The following NUDT9 variants were observed in gnomAD, a reference collection of about 807,000 sequenced individuals.
NUDT9 encodes the protein nudix hydrolase 9, also known as ADP-ribose pyrophosphatase.
Under a neutral mutation model 41.0 loss-of-function variants are expected in NUDT9, and 31 were observed. That is an observed-to-expected ratio of 0.76 (90% confidence interval 0.57 to 1.02). NUDT9 has a LOEUF of 1.02. Ranked by LOEUF, NUDT9 falls within the 50% of genes least tolerant of loss-of-function variation. The pLI is 0.00. For synonymous variants in NUDT9, 146 were observed against 147.6 expected, an observed-to-expected ratio of 0.99 and a Z score of 0.08; for missense variants, 380 against 431.4, an observed-to-expected ratio of 0.88 and a Z score of 1.06.
intron 1 of NUDT9, among the ~76,000 whole-genome samples, chr4:87,430,749 A>G (rs534264566): frequency 1.3e-5 from 2 of 152,202 alleles, no homozygotes; most frequent in East Asian, 1.9e-4. Flanking sequence ...AGAAATGTCT[A>G]TTGGAGTCCT....
intron 5 of NUDT9, 94 bp downstream of exon 5, chr4:87,449,347 C>T: frequency 1.4e-6 from 1 of 712,560 alleles, no homozygotes; most frequent in Non-Finnish European, 2.5e-6. Context: ...TTCCATTTTC[C>T]TCTATTCCTT....
At chr4:87,439,059 C>T (rs1036695969) in intron 3 of NUDT9, among the ~76,000 whole-genome samples, 10 of 151,172 alleles carry the variant, frequency 6.6e-5, no homozygotes, top group Non-Finnish European at 1.2e-4. Context: ...CCCAGCTACT[C>T]GGGAGGCTGA....
rs1386369224 is a variant in NUDT9 at position 87,425,478 on chromosome 4, T to C, written c.107+2466T>C. Among the ~76,000 whole-genome samples, 9 of 142,062 alleles carry C rather than the reference T, an allele frequency of 6.3e-5. No homozygotes were observed. The South Asian group carries it at 9.3e-4, about 15-fold the overall frequency. 93.2% of individuals were successfully genotyped at this position (142,062 alleles called of 152,430 possible). ...GGCGTGATCTTGGCTCATTGCAACC[T>C]CCGCCTCCCAGGTTCTAGTGATTCT... On this transcript the variant is annotated intron_variant, in intron 1 of 7. Transcript: ENST00000302174.
At chr4:87,445,135 C>T (rs1010024886) in intron 4 of NUDT9, among the ~76,000 whole-genome samples, 11 of 152,052 alleles carry the variant, frequency 7.2e-5, no homozygotes, top group African/African-American at 2.7e-4. Flanking sequence ...CACAGAAGCC[C>T]CTCCAAGTAG....
intron 1 of NUDT9, among the ~76,000 whole-genome samples, chr4:87,432,945 G>A (rs185999001): frequency 3.0e-4 from 46 of 152,168 alleles, no homozygotes; most frequent in Non-Finnish European, 5.7e-4. Context: ...ATTAATCAAA[G>A]ATAATGGTTT....
In NUDT9 at chr4:87,435,150, G is replaced by A. The variant is rs576451655; in HGVS notation, c.277G>A (p.Asp93Asn). The change falls in exon 2 of 8, where the codon GAC (aspartate) becomes AAC (asparagine). Residue 93 changes from aspartate (D) to asparagine (N), a missense_variant. By Grantham distance (23) the Asp-to-Asn change is conservative. Coordinates refer to ENST00000302174, the MANE Select transcript of NUDT9 (RefSeq NM_024047.5). ...EKVGWLVEWQ[D>N]YKPVEYTAVS... Reference sequence around the variant, plus strand: ...AGTGGGCTGGCTTGTTGAGTGGCAAGACTATAAGCCTGTGGAATACACTGC... The same window carrying A: ...AGTGGGCTGGCTTGTTGAGTGGCAAAACTATAAGCCTGTGGAATACACTGC... 3.1e-6 allele frequency: 5 copies of A among 1,614,220 alleles called. No homozygotes were observed. In the South Asian group the frequency reaches 5.5e-5, roughly 18 times the overall value.
At chr4:87,457,310 A>G (rs1246241938) in intron 7 of NUDT9, among the ~76,000 whole-genome samples, 1 of 138,500 alleles carries the variant, frequency 7.2e-6, no homozygotes, top group African/African-American at 2.7e-5. Flanking sequence ...ATCTTGGCTC[A>G]CTGCAACCTC....
chr4:87,442,018 C>CACACATATACAT, intron 4 of NUDT9, 103 bp downstream of exon 4: 1 of 728,922 alleles, frequency 1.4e-6, no homozygotes, highest in Non-Finnish European at 2.2e-6. Flanking sequence ...TGTGTATATA[C>CACACATATACAT]ATATGTATGT....
chr4:87,435,347 T>C, intron 2 of NUDT9, 127 bp downstream of exon 2: 1 of 1,106,956 alleles, frequency 9.0e-7, no homozygotes, highest in South Asian at 2.0e-5. Flanking sequence ...ATAACTCAGT[T>C]TCCACATTTG....
At chr4:87,431,015 A>C (rs1480744783) in intron 1 of NUDT9, among the ~76,000 whole-genome samples, 2 of 152,150 alleles carry the variant, frequency 1.3e-5, no homozygotes, top group Non-Finnish European at 2.9e-5. Flanking sequence ...TCATCACCAA[A>C]TCCAGTGTCG....
In NUDT9 at chr4:87,422,913, G is replaced by C; in HGVS notation, c.8G>C (p.Gly3Ala). The C allele has an allele frequency of 6.2e-7, 1 of 1,610,126 alleles. No individual in the cohort carries two copies. Among genetic ancestry groups the C allele is most frequent in the Non-Finnish European group, 8.5e-7 (1 of 1,179,542 alleles). Residue 3 changes from glycine (G) to alanine (A), a missense_variant, in exon 1 of 8, where the codon GGA (glycine) becomes GCA (alanine). Physicochemically the swap from Gly to Ala is moderately conservative, Grantham distance 60 (BLOSUM62 0). Coordinates refer to ENST00000302174, the MANE Select transcript of NUDT9 (RefSeq NM_024047.5). ...GCCGCCCTCGGGGCGCTCATGGCGG[G>C]ACGCCTCCTGGGAAAGGCTTTAGCC... The part of the protein sequence containing the change: MA[G>A]RLLGKALAAV...
chr4:87,436,021 T>G (rs1189837882), intron 2 of NUDT9, among the ~76,000 whole-genome samples: 1 of 151,960 alleles, frequency 6.6e-6, no homozygotes, highest in African/African-American at 2.4e-5. Context: ...ACTGGTGCTC[T>G]CTCTCTCTGT....
At chr4:87,427,317 G>A (rs1163623129) in intron 1 of NUDT9, among the ~76,000 whole-genome samples, 1 of 152,108 alleles carries the variant, frequency 6.6e-6, no homozygotes, top group South Asian at 2.1e-4. Context: ...AAGTTTGCCA[G>A]TCTTAAGAAT....
intron 1 of NUDT9, among the ~76,000 whole-genome samples, chr4:87,431,520 TA>T (rs1182002835): frequency 6.6e-6 from 1 of 152,248 alleles, no homozygotes; most frequent in Non-Finnish European, 1.5e-5. Context: ...GACATCTTAA[TA>T]TTTTTTTCCA....
At chr4:87,441,669 A>G (rs1444940257) in intron 3 of NUDT9, among the ~76,000 whole-genome samples, 160 bp from the exon 4 acceptor site, 1 of 152,238 alleles carries the variant, frequency 6.6e-6, no homozygotes, top group Non-Finnish European at 1.5e-5. Flanking sequence ...TAGCAGTGTC[A>G]TGAAATACAT....
At chr4:87,449,079 A>G in intron 4 of NUDT9, 63 bp from the exon 5 acceptor site, 1 of 914,122 alleles carries the variant, frequency 1.1e-6, no homozygotes, top group Non-Finnish European at 1.8e-6. Flanking sequence ...CTTTATCTCA[A>G]GTTTGAGATA....
chr4:87,434,303 C>G (rs1377506339), intron 1 of NUDT9: 1 of 152,106 alleles, frequency 6.6e-6, no homozygotes, highest in African/African-American at 2.4e-5. Context: ...CTTAGCCTCC[C>G]AAAGTGCTGG....
intron 4 of NUDT9, among the ~76,000 whole-genome samples, chr4:87,443,010 C>T (rs755326008): frequency 3.3e-5 from 5 of 152,086 alleles, no homozygotes; most frequent in Non-Finnish European, 7.4e-5. Context: ...GTAACATAGT[C>T]ACTTATTATC....
intron 1 of NUDT9, among the ~76,000 whole-genome samples, chr4:87,431,258 T>A (rs1721674568): frequency 6.6e-6 from 1 of 152,232 alleles, no homozygotes; most frequent in South Asian, 2.1e-4. Context: ...GAGGATTTAT[T>A]TCTGGGTTCT....
Sources: allele counts gnomAD v4.1 joint callset (sites outside exome capture counted in the v4.1 genomes callset), GRCh38; gene constraint gnomAD v4.1.1; transcripts MANE v1.5; gene names NCBI Gene and HGNC (gene_info 2026-07-23, HGNC 2026-07-21).